The following KRT32 variants were observed in gnomAD, a reference collection of about 807,000 sequenced individuals.
KRT32 encodes keratin, type I cuticular Ha2.
Under a neutral mutation model 41.8 loss-of-function variants are expected in KRT32, and 44 were observed. The observed-to-expected ratio is 1.05, with a 90% CI of 0.83 to 1.35. The LOEUF is 1.35. Among genes scored for constraint, KRT32 ranks in the 40% most tolerant of loss-of-function variants. The probability of loss-of-function intolerance (pLI) is 0.00; values close to 1 mark genes in which losing one functional copy is unlikely to be tolerated. For missense variants in KRT32, 576 were observed against 584.6 expected (o/e 0.99, Z 0.15); for synonymous variants, 238 against 242.5 (o/e 0.98, Z 0.17).
chr17:41,462,874 G>A lies in KRT32; in HGVS notation c.1173C>T (p.Gly391=), dbSNP rs138890119. ...VLLDVRARLE[G]EINTYRSLLE... is the part of the protein sequence containing the mutation. ...GCAGGCTCCGGTACGTGTTGATCTC[G>A]CCCTCCAGCCGGGCCCGGACGTCCA... is the stretch of plus-strand genomic sequence containing the variant. Residue 391 remains glycine, a synonymous_variant, in exon 6 of 7, where the codon GGC becomes GGT. Coordinates refer to ENST00000225899, the MANE Select transcript of KRT32 (RefSeq NM_002278.3). 677 of 1,608,292 alleles carry A rather than the reference G, an allele frequency of 4.2e-4. 3 individuals carry two copies. In the African/African-American group the frequency reaches 6.1e-3, roughly 14 times the overall value.
chr17:41,460,375 T>C, intron 6 of KRT32, 136 bp from the exon 7 acceptor site: 2 of 1,133,398 alleles, frequency 1.8e-6, no homozygotes, highest in Non-Finnish European at 2.5e-6. Context: ...GGTCCCAACC[T>C]CCGCCATCTT....
chr17:41,467,231 C>A lies in KRT32; in HGVS notation c.95G>T (p.Arg32Leu), dbSNP rs563544065. Residue 32 changes from arginine to leucine, a missense_variant, in exon 1 of 7, where the codon CGG becomes CTG. Coordinates refer to ENST00000225899, the MANE Select transcript of KRT32 (RefSeq NM_002278.3). ...GACATAGCCCAGGCACAGCTCAGGC[C>A]GGCAGTTCACGCCGCTGGAACAGAC... The part of the protein sequence containing the change: ...ASVCSSGVNC[R>L]PELCLGYVCQ... The A allele has an allele frequency of 1.9e-6, 3 of 1,613,652 alleles. No individual in the cohort carries two copies. In the South Asian group the frequency reaches 3.3e-5, roughly 18 times the overall value.
chr17:41,460,534 A>G (rs1219546071), intron 6 of KRT32, among the ~76,000 whole-genome samples: 1 of 152,148 alleles, frequency 6.6e-6, no homozygotes, highest in African/African-American at 2.4e-5. Flanking sequence ...AGTGGCTTCC[A>G]TTTGAGCTCA....
At chr17:41,465,641 A>G in intron 3 of KRT32, 132 bp downstream of exon 3, 1 of 853,784 alleles carries the variant, frequency 1.2e-6, no homozygotes, top group East Asian at 2.6e-5. Context: ...GGAAGATTCC[A>G]TAAATTGGGC....
intron 2 of KRT32, 66 bp downstream of exon 2, chr17:41,466,028 T>C: frequency 1.2e-6 from 2 of 1,604,760 alleles, no homozygotes; most frequent in Non-Finnish European, 1.7e-6. Context: ...GTGAAACTAA[T>C]GGAAAGTTGC....
At position 41,464,280 on chromosome 17, in the gene KRT32, A is replaced by G; in HGVS notation, c.870+2T>C. ...AGGCCATCCCCACCGTGAGAGGCCCACCTGCATATTGAACCATTCCTCCAC... is the reference window on the plus strand; with the variant it reads ...AGGCCATCCCCACCGTGAGAGGCCCGCCTGCATATTGAACCATTCCTCCAC... On this transcript the variant is annotated splice_donor_variant, in intron 4 of 6. Transcript: ENST00000225899. LOFTEE classifies it high-confidence loss of function. 1.3e-6 allele frequency: 2 copies of G among 1,594,502 alleles called. No individual in the cohort carries two copies. The highest frequency in any genetic ancestry group is 1.7e-6 in the Non-Finnish European group (2 of 1,170,018).
rs1296583500 is a variant in KRT32, at chr17:41,460,246, G to A, written c.1218-7C>T. On this transcript the variant is annotated splice_region_variant and splice_polypyrimidine_tract_variant and intron_variant, in intron 6 of 6. Coordinates refer to ENST00000225899, the MANE Select transcript of KRT32 (RefSeq NM_002278.3). ...GCATGGGTTACAGGGCAGCCTGCAGGAGAAAGTCAAAGAGAAACAGGATTA... is the reference window on the plus strand; with the variant it reads ...GCATGGGTTACAGGGCAGCCTGCAGAAGAAAGTCAAAGAGAAACAGGATTA... 1.3e-6 allele frequency: 2 copies of A among 1,584,190 alleles called. No individual in the cohort carries two copies. The highest frequency in any genetic ancestry group is 1.3e-5 in the African/African-American group (1 of 74,134).
chr17:41,466,053 G>A (rs2019064139), intron 2 of KRT32, 41 bp downstream of exon 2: 1 of 1,610,190 alleles, frequency 6.2e-7, no homozygotes, highest in South Asian at 1.1e-5. Context: ...GAGCCTATGA[G>A]GACAGGTCCT....
chr17:41,462,828 A>G lies in KRT32; in HGVS notation c.1217+2T>C, dbSNP rs1306864781. Reference sequence around the variant, plus strand: ...CTCTAAGCCTCAGCTGGGCCTGCGTACTTGCAGTCCTCGTTCTCCAGCAGG... The same window carrying G: ...CTCTAAGCCTCAGCTGGGCCTGCGTGCTTGCAGTCCTCGTTCTCCAGCAGG... On this transcript the variant is annotated splice_donor_variant, in intron 6 of 6. Transcript: ENST00000225899. LOFTEE classifies it high-confidence loss of function. 12 of 1,612,874 alleles carry G rather than the reference A, an allele frequency of 7.4e-6. No homozygotes were observed. The highest frequency in any genetic ancestry group is 1.1e-5 in the South Asian group (1 of 91,026).
At position 41,465,912 on chromosome 17, in the gene KRT32, G is replaced by C; in HGVS notation, c.569C>G (p.Ala190Gly). Residue 190 changes from alanine to glycine, a missense_variant, in exon 3 of 7, where the codon GCC (alanine) becomes GGC (glycine). Coordinates refer to ENST00000225899, the MANE Select transcript of KRT32 (RefSeq NM_002278.3). ...DFRAKYEAEL[A>G]MRQLVEADIN... ...GTCGGCCTCCACCAGCTGCCGCATG[G>C]CCAGCTCTGCCTCGTACCTGCACAA... 1 of 1,613,722 alleles carries C rather than the reference G, an allele frequency of 6.2e-7. No homozygotes were observed. Among genetic ancestry groups the C allele is most frequent in the South Asian group, 1.1e-5 (1 of 91,050 alleles).
At position 41,462,870 on chromosome 17, in the gene KRT32, T is replaced by A. The variant is rs923011537; in HGVS notation, c.1177A>T (p.Ile393Phe). The stretch of plus-strand genomic sequence containing the variant: ...TCCAGCAGGCTCCGGTACGTGTTGA[T>A]CTCGCCCTCCAGCCGGGCCCGGACG... Reference protein sequence around the residue: ...LDVRARLEGEINTYRSLLENE... With the variant: ...LDVRARLEGEFNTYRSLLENE... The change falls in exon 6 of 7, where the codon ATC (isoleucine) becomes TTC (phenylalanine). Residue 393 changes from isoleucine to phenylalanine, a missense_variant. Ile to Phe is a conservative substitution (Grantham distance 21). Transcript: ENST00000225899. The A allele has an allele frequency of 3.7e-6, 6 of 1,613,780 alleles. No homozygotes were observed. Among genetic ancestry groups the A allele is most frequent in the Non-Finnish European group, 4.2e-6 (5 of 1,179,954 alleles).
rs568599945 is a variant in KRT32 at position 41,459,660 on chromosome 17, C to T, written c.*450G>A. The stretch of plus-strand genomic sequence containing the variant: ...TTAGTTTTAACTGGTTTATGGCATG[C>T]GGGCCCTTTTAGTGAACACCTCTCA... On this transcript the variant is annotated 3_prime_UTR_variant, in exon 7 of 7. Coordinates refer to ENST00000225899, the MANE Select transcript of KRT32 (RefSeq NM_002278.3). 1.1e-4 allele frequency among the ~76,000 whole-genome samples: 17 copies of T among 152,270 alleles called. No individual in the cohort carries two copies. The highest frequency in any genetic ancestry group is 3.6e-4 in the African/African-American group (15 of 41,544).
chr17:41,466,775 T>C (rs1023225091), intron 1 of KRT32, 83 bp downstream of exon 1: 2 of 1,006,812 alleles, frequency 2.0e-6, no homozygotes, highest in African/African-American at 1.6e-5. Flanking sequence ...CATAGCTTAA[T>C]AAGCTAACGA....
In KRT32 at chr17:41,460,125, G is replaced by A. The variant is rs1323746440; in HGVS notation, c.1332C>T (p.Pro444=). The change falls in exon 7 of 7, where the codon CCC becomes CCT. Residue 444 remains proline (P), a synonymous_variant. Transcript: ENST00000225899. ...RTVGMPCSPC[P]QGRY is the part of the protein sequence containing the mutation. Reference sequence around the variant, plus strand: ...CAAAGGGACTTCAGTAGCGGCCCTGGGGGCAGGGTGAGCAAGGCATGCCAA... The same window carrying A: ...CAAAGGGACTTCAGTAGCGGCCCTGAGGGCAGGGTGAGCAAGGCATGCCAA... The A allele has an allele frequency of 2.5e-6, 4 of 1,610,996 alleles. No homozygotes were observed. The highest frequency in any genetic ancestry group is 3.4e-6 in the Non-Finnish European group (4 of 1,178,588).
Position 41,465,841 on chromosome 17 carries a change from C to G in KRT32, c.640G>C (p.Ala214Pro). 6.2e-7 allele frequency: 1 copy of G among 1,614,090 alleles called. No individual in the cohort carries two copies. Among genetic ancestry groups the G allele is most frequent in the Non-Finnish European group, 8.5e-7 (1 of 1,179,964 alleles). Residue 214 changes from alanine (A) to proline (P), a missense_variant, in exon 3 of 7, where the codon GCT (alanine) becomes CCT (proline). Coordinates refer to ENST00000225899, the MANE Select transcript of KRT32 (RefSeq NM_002278.3). ...RILDDLTLCK[A>P]DLEAQVESLK... ...GACTCAACCTGGGCCTCCAGGTCAG[C>G]CTTGCACAGAGTGAGATCATCCAGG...
intron 6 of KRT32, among the ~76,000 whole-genome samples, chr17:41,462,192 TTCTC>T (rs949960943): frequency 2.4e-4 from 37 of 151,932 alleles, no homozygotes; most frequent in Non-Finnish European, 4.7e-4. Flanking sequence ...ACACAGTAAA[TTCTC>T]TCATTTCCTC....
intron 5 of KRT32, among the ~76,000 whole-genome samples, chr17:41,463,758 A>C (rs2019033127): frequency 6.6e-6 from 1 of 151,930 alleles, no homozygotes; most frequent in East Asian, 1.9e-4. Flanking sequence ...ACTCTGGTTC[A>C]GTTGGTCCAG....
At chr17:41,464,056 G>A (rs749068358) in intron 5 of KRT32, 22 bp downstream of exon 5, 19 of 1,555,064 alleles carry the variant, frequency 1.2e-5, no homozygotes, top group Non-Finnish European at 1.6e-5. Context: ...GGAGGGATGG[G>A]TGCCCACCCA....
rs201581089 is a variant in KRT32, at chr17:41,464,144, T to G, written c.930A>C (p.Ser310=). ...TSSEQLQNYQ[S]DIIDLRRTVN... is the part of the protein sequence containing the mutation. Reference sequence around the variant, plus strand: ...CCGTGCGTCTCAGGTCAATGATGTCTGACTGGTAGTTCTGAAGCTGCTCAG... The same window carrying G: ...CCGTGCGTCTCAGGTCAATGATGTCGGACTGGTAGTTCTGAAGCTGCTCAG... The change falls in exon 5 of 7, where the codon TCA becomes TCC. Residue 310 remains serine, a synonymous_variant. Coordinates refer to ENST00000225899, the MANE Select transcript of KRT32 (RefSeq NM_002278.3). 5 of 1,613,396 alleles carry G rather than the reference T, an allele frequency of 3.1e-6. No individual in the cohort carries two copies. The South Asian group carries it at 5.5e-5, about 18-fold the overall frequency.
Sources: gnomAD v4.1 joint callset for allele counts (sites outside exome capture counted in the v4.1 genomes callset) on GRCh38, gnomAD v4.1.1 for gene constraint, MANE v1.5 for transcripts, NCBI Gene and HGNC (gene_info 2026-07-23, HGNC 2026-07-21) for gene names.